PRKX: variants seen among roughly 807,000 people sequenced by gnomAD.
PRKX encodes the protein protein kinase cAMP-dependent X-linked catalytic subunit.
PRKX carries 12 observed loss-of-function variants against 22.0 expected under a neutral mutation model. The observed-to-expected ratio is 0.54, with a 90% confidence interval of 0.35 to 0.88. The LOEUF is 0.88. Among genes scored for constraint, PRKX ranks in the 40% least tolerant of loss-of-function variants. PRKX has a pLI of 0.01. For missense variants in PRKX, 217 were observed against 308.0 expected (o/e 0.70, Z 2.21); for synonymous variants, 134 against 137.7 (o/e 0.97, Z 0.19).
intron 3 of PRKX, among the ~76,000 whole-genome samples, chrX:3,647,811 G>A (rs1214677540): frequency 2.8e-5 from 3 of 109,085 alleles, no homozygotes; most frequent in African/African-American, 1.0e-4. Flanking sequence ...CCTCCCTACC[G>A]TCCACTGCTG....
rs1017069094 is a variant in PRKX, at chrX:3,655,394, G to T, written c.354C>A (p.Asp118Glu). Residue 118 changes from aspartate (D) to glutamate (E), a missense_variant, in exon 3 of 9, where the codon GAC becomes GAA. Coordinates refer to ENST00000262848, the MANE Select transcript of PRKX (RefSeq NM_005044.5). Reference sequence around the variant, plus strand: ...CCATGAGCATGTAGAGGAAGCGCTCGTCATGCCACGTCCAGAACCTGCGGG... The same window carrying T: ...CCATGAGCATGTAGAGGAAGCGCTCTTCATGCCACGTCCAGAACCTGCGGG... ...FLIRLFWTWH[D>E]ERFLYMLMEY... 2 of 1,212,174 alleles carry T rather than the reference G, an allele frequency of 1.6e-6. No individual in the cohort carries two copies. The highest frequency in any genetic ancestry group is 3.5e-5 in the African/African-American group (2 of 57,912).
intron 1 of PRKX, among the ~76,000 whole-genome samples, chrX:3,694,366 C>T (rs1220213793): frequency 9.1e-6 from 1 of 109,474 alleles, no homozygotes; most frequent in African/African-American, 3.3e-5. Context: ...CCAGCCTGGG[C>T]AAAAGAGCGA....
At chrX:3,692,680 A>G (rs1031094281) in intron 1 of PRKX, among the ~76,000 whole-genome samples, 8 of 110,216 alleles carry the variant, frequency 7.3e-5, no homozygotes, top group African/African-American at 2.3e-4. Flanking sequence ...GGCACCCACC[A>G]CCACGCCTGG....
At chrX:3,636,314 T>C (rs1397188177) in intron 4 of PRKX, among the ~76,000 whole-genome samples, 1 of 112,713 alleles carries the variant, frequency 8.9e-6, no homozygotes, top group Non-Finnish European at 1.9e-5. Context: ...GCTCCACTTG[T>C]ATGTGCAGCA....
At chrX:3,622,237 CAGGAGATT>C (rs1926572331) in intron 5 of PRKX, among the ~76,000 whole-genome samples, 1 of 110,897 alleles carries the variant, frequency 9.0e-6, no homozygotes, top group African/African-American at 3.3e-5. Context: ...TGAAGACTTC[CAGGAGATT>C]AGGTGAGTTC....
intron 3 of PRKX, among the ~76,000 whole-genome samples, chrX:3,642,671 CAA>C (rs1003398174): frequency 9.7e-6 from 1 of 103,575 alleles, no homozygotes; most frequent in African/African-American, 3.5e-5. Flanking sequence ...ATCCTTTATC[CAA>C]AAAAAAAAGT....
intron 3 of PRKX, 56 bp downstream of exon 3, chrX:3,655,093 C>T (rs1359590891): frequency 1.3e-5 from 15 of 1,189,121 alleles, no homozygotes; most frequent in Non-Finnish European, 1.7e-5. Flanking sequence ...ACAACTACCA[C>T]CACCTTTCTC....
intron 2 of PRKX, among the ~76,000 whole-genome samples, chrX:3,658,474 G>A (rs1927526210): frequency 9.1e-6 from 1 of 110,322 alleles, no homozygotes; most frequent in African/African-American, 3.3e-5. Context: ...TATTTGTAGA[G>A]ACAGGGTCTC....
At chrX:3,630,566 C>A (rs1168117812) in intron 4 of PRKX, among the ~76,000 whole-genome samples, 6 of 111,415 alleles carry the variant, frequency 5.4e-5, no homozygotes, top group Non-Finnish European at 1.1e-4. Context: ...TCTCAAAAAA[C>A]AAAAAAGAAA....
intron 1 of PRKX, among the ~76,000 whole-genome samples, chrX:3,677,096 G>A (rs530221623): frequency 5.1e-4 from 57 of 111,278 alleles, no homozygotes; most frequent in African/African-American, 1.5e-3. Context: ...GAGTAGAGAG[G>A]TAGTTATCAG....
chrX:3,652,230 AAC>A (rs1238356456), intron 3 of PRKX, among the ~76,000 whole-genome samples: 3 of 110,612 alleles, frequency 2.7e-5, no homozygotes, highest in Non-Finnish European at 5.7e-5. Context: ...CATCCTGGCT[AAC>A]ACAGTGAAAT....
At chrX:3,701,304 C>G (rs1928565585) in intron 1 of PRKX, among the ~76,000 whole-genome samples, 2 of 111,435 alleles carry the variant, frequency 1.8e-5, no homozygotes, top group Non-Finnish European at 3.8e-5. Context: ...CAAGGTCTCA[C>G]TATGTTGTCC....
chrX:3,632,916 G>A (rs767949172), intron 4 of PRKX, among the ~76,000 whole-genome samples: 3 of 112,511 alleles, frequency 2.7e-5, no homozygotes, highest in Non-Finnish European at 3.8e-5. Context: ...CCAGATTTTC[G>A]CCTGAAAAAT....
chrX:3,683,086 C>T (rs1928107612), intron 1 of PRKX, among the ~76,000 whole-genome samples: 1 of 112,057 alleles, frequency 8.9e-6, no homozygotes, highest in Non-Finnish European at 1.9e-5. Context: ...CCCTAGAGCC[C>T]GCAGAGGGAG....
chrX:3,696,078 T>C (rs1399722703), intron 1 of PRKX, among the ~76,000 whole-genome samples: 1 of 110,072 alleles, frequency 9.1e-6, no homozygotes, highest in Non-Finnish European at 1.9e-5. Flanking sequence ...CTTTGGGAGG[T>C]GTTGAGGTCA....
At chrX:3,668,535 T>C (rs1182729030) in intron 2 of PRKX, among the ~76,000 whole-genome samples, 1 of 112,003 alleles carries the variant, frequency 8.9e-6, no homozygotes, top group East Asian at 2.8e-4. Flanking sequence ...AAAAAAGATG[T>C]TTCCAAGAGA....
intron 3 of PRKX, among the ~76,000 whole-genome samples, chrX:3,643,369 C>A (rs947849446): frequency 1.8e-5 from 2 of 111,792 alleles, no homozygotes; most frequent in African/African-American, 3.3e-5. Flanking sequence ...ATTTTGGTTA[C>A]AGAAGAATCT....
chrX:3,661,547 G>C (rs2111385), intron 2 of PRKX, among the ~76,000 whole-genome samples: 18,520 of 108,370 alleles, frequency 0.17, 1,361 homozygotes, highest in Admixed American at 0.38. Context: ...TTGAAGCTAT[G>C]ACTGAACCTC....
intron 1 of PRKX, among the ~76,000 whole-genome samples, chrX:3,694,445 T>C (rs138185884): frequency 0.02 from 2,207 of 110,364 alleles, 47 homozygotes; most frequent in African/African-American, 0.069. Context: ...AAGAGCCAGA[T>C]GAGGAGACAC....
Sources: allele counts gnomAD v4.1 joint callset (sites outside exome capture counted in the v4.1 genomes callset), GRCh38; gene constraint gnomAD v4.1.1; transcripts MANE v1.5; gene names NCBI Gene and HGNC (gene_info 2026-07-23, HGNC 2026-07-21).